Variants in NECAB1 observed in about 807,000 individuals in gnomAD.
The protein encoded by NECAB1 is N-terminal EF-hand calcium-binding protein 1.
In NECAB1, 29 loss-of-function variants were observed where a neutral mutation model predicts 57.5. The ratio of observed to expected loss-of-function variants is 0.50; its 90% CI spans 0.38 to 0.69. NECAB1 has a LOEUF of 0.69. Among genes scored for constraint, NECAB1 ranks in the 30% least tolerant of loss-of-function variants. The pLI, the probability that NECAB1 is intolerant of heterozygous loss-of-function variation, is 0.00. For missense variants in NECAB1, 372 were observed against 413.8 expected (o/e 0.90, Z 0.88); for synonymous variants, 142 against 147.7 (o/e 0.96, Z 0.28).
At chr8:90,934,722 G>C (rs974331757) in intron 9 of NECAB1, among the ~76,000 whole-genome samples, 8 of 152,080 alleles carry the variant, frequency 5.3e-5, no homozygotes, top group Admixed American at 1.3e-4. Flanking sequence ...GCGGAAACCT[G>C]GTTCTGTTCA....
At chr8:90,917,228 G>A (rs899572206) in intron 5 of NECAB1, among the ~76,000 whole-genome samples, 1 of 151,966 alleles carries the variant, frequency 6.6e-6, no homozygotes, top group African/African-American at 2.4e-5. Flanking sequence ...AACTCTGCTG[G>A]TTTTGTCCTT....
chr8:90,850,561 G>C (rs1812663582), intron 3 of NECAB1, among the ~76,000 whole-genome samples: 1 of 151,370 alleles, frequency 6.6e-6, no homozygotes, highest in Non-Finnish European at 1.5e-5. Flanking sequence ...ACAGCGAGCT[G>C]ATAAATGTGT....
At chr8:90,901,733 G>A (rs1390824969) in intron 5 of NECAB1, among the ~76,000 whole-genome samples, 1 of 152,180 alleles carries the variant, frequency 6.6e-6, no homozygotes, top group African/African-American at 2.4e-5. Flanking sequence ...CGCTTCAACA[G>A]ACTATGTATA....
intron 2 of NECAB1, among the ~76,000 whole-genome samples, chr8:90,813,398 T>G (rs1339716596): frequency 6.6e-6 from 1 of 152,016 alleles, no homozygotes; most frequent in African/African-American, 2.4e-5. Context: ...GAGTTAAATA[T>G]ATGTTATATT....
rs1054617545 is a variant in NECAB1, at chr8:90,812,898, T to C, written c.124+11183T>C. 4 of 150,322 alleles carry C rather than the reference T, an allele frequency of 2.7e-5. No homozygotes were observed. In the East Asian group the frequency reaches 7.9e-4, roughly 30 times the overall value. The allele number at this position is 150,322 out of a possible 1,614,324, so 9.3% of individuals were successfully genotyped here. On this transcript the variant is annotated intron_variant, in intron 2 of 12. Transcript: ENST00000417640. ...CCTCGCAAAATAACAGATCAAAATA[T>C]ACTTACTTGTGGCAGGGCGCGGTGG...
intron 5 of NECAB1, among the ~76,000 whole-genome samples, chr8:90,900,091 A>T (rs1809464454): frequency 6.6e-6 from 1 of 152,232 alleles, no homozygotes; most frequent in South Asian, 2.1e-4. Context: ...CTATGAGTAA[A>T]CTTAGTGTTG....
intron 1 of NECAB1, among the ~76,000 whole-genome samples, chr8:90,796,104 C>G (rs184154655): frequency 5.9e-5 from 9 of 152,342 alleles, no homozygotes; most frequent in Non-Finnish European, 1.3e-4. Context: ...AATATGTGCA[C>G]TGATTCCTTC....
At chr8:90,925,739 TAAGAC>T in intron 7 of NECAB1, 83 bp downstream of exon 7, 1 of 1,540,338 alleles carries the variant, frequency 6.5e-7, no homozygotes, top group South Asian at 1.2e-5. Flanking sequence ...AAACAACAGA[TAAGAC>T]AATAGTAATG....
chr8:90,827,848 TA>T (rs1221492462), intron 3 of NECAB1, among the ~76,000 whole-genome samples: 3 of 152,038 alleles, frequency 2.0e-5, no homozygotes, highest in Admixed American at 1.3e-4. Context: ...AAAATTACAT[TA>T]AAAAAGCATC....
intron 12 of NECAB1, among the ~76,000 whole-genome samples, chr8:90,952,757 G>A (rs775752213): frequency 1.3e-5 from 2 of 150,032 alleles, no homozygotes; most frequent in Admixed American, 6.6e-5. Context: ...CAGACTGGGC[G>A]ACAGAGCGAG....
At chr8:90,830,429 A>G (rs1414731508) in intron 3 of NECAB1, among the ~76,000 whole-genome samples, 2 of 152,108 alleles carry the variant, frequency 1.3e-5, no homozygotes, top group African/African-American at 4.8e-5. Context: ...GTGTGGCTAT[A>G]TATCAAGAGA....
chr8:90,916,747 T>C (rs1170220771), intron 5 of NECAB1, among the ~76,000 whole-genome samples: 1 of 152,124 alleles, frequency 6.6e-6, no homozygotes, highest in Non-Finnish European at 1.5e-5. Flanking sequence ...GGTGGTACCA[T>C]CCACAGCTCA....
intron 2 of NECAB1, among the ~76,000 whole-genome samples, chr8:90,808,674 C>A (rs1304871385): frequency 5.2e-5 from 5 of 96,164 alleles, no homozygotes; most frequent in African/African-American, 1.7e-4. Context: ...GAGATGGAAT[C>A]TCACTTTGTC....
intron 3 of NECAB1, among the ~76,000 whole-genome samples, chr8:90,825,933 A>G (rs547114122): frequency 6.6e-6 from 1 of 151,942 alleles, no homozygotes; most frequent in South Asian, 2.1e-4. Context: ...TTTTATGGAG[A>G]AATAGACCAA....
rs1007720942 is a variant in NECAB1, at chr8:90,841,949, A to G, written c.233+17124A>G. 6.6e-5 allele frequency among the ~76,000 whole-genome samples: 10 copies of G among 152,186 alleles called. No homozygotes were observed. In the South Asian group the frequency reaches 2.1e-3, roughly 32 times the overall value. On this transcript the variant is annotated intron_variant, in intron 3 of 12. Transcript: ENST00000417640. ...CTAACACAGGAACAGAAAACCAAAT[A>G]CTGCATGTTCTCATTTATAAGTGGG... is the stretch of plus-strand genomic sequence containing the variant.
At chr8:90,918,485 C>T (rs935670183) in intron 6 of NECAB1, among the ~76,000 whole-genome samples, 5 of 151,690 alleles carry the variant, frequency 3.3e-5, no homozygotes, top group African/African-American at 7.3e-5. Context: ...TAATAAATAC[C>T]GTAGAGAAGA....
intron 5 of NECAB1, among the ~76,000 whole-genome samples, chr8:90,883,692 C>T (rs1295327509): frequency 6.6e-6 from 1 of 152,154 alleles, no homozygotes; most frequent in Non-Finnish European, 1.5e-5. Context: ...TCAAGGGCTA[C>T]ATGGATTATT....
intron 3 of NECAB1, among the ~76,000 whole-genome samples, chr8:90,855,736 G>A (rs151163684): frequency 4.6e-3 from 696 of 152,252 alleles, no homozygotes; most frequent in African/African-American, 7.1e-3. Flanking sequence ...ATATTTGAGG[G>A]ACTAGTTTTA....
At chr8:90,849,483 C>CG (rs1554566879) in intron 3 of NECAB1, among the ~76,000 whole-genome samples, 1 of 113,428 alleles carries the variant, frequency 8.8e-6, no homozygotes, top group East Asian at 2.8e-4. Flanking sequence ...AAGAAAAATG[C>CG]TTTTTTTTTT....
Sources: allele counts gnomAD v4.1 joint callset (sites outside exome capture counted in the v4.1 genomes callset), GRCh38; gene constraint gnomAD v4.1.1; transcripts MANE v1.5; gene names NCBI Gene and HGNC (gene_info 2026-07-23, HGNC 2026-07-21).